Variants in MYO3A observed in about 807,000 individuals in gnomAD.
MYO3A encodes myosin-IIIa.
MYO3A carries 180 observed loss-of-function variants against 192.7 expected under a neutral mutation model. That is an observed-to-expected ratio of 0.93 (90% CI 0.83 to 1.06). The LOEUF (loss-of-function observed/expected upper bound fraction) is 1.06. Ranked by LOEUF, MYO3A falls within the 50% of genes least tolerant of loss-of-function variation. MYO3A has a pLI of 0.00. For missense variants in MYO3A, 1,896 were observed against 1,905.0 expected (o/e 1.00, Z 0.09); for synonymous variants, 628 against 645.3 (o/e 0.97, Z 0.41).
intron 5 of MYO3A, 68 bp from the exon 6 acceptor site, chr10:25,997,091 A>C: frequency 1.7e-6 from 2 of 1,188,430 alleles, no homozygotes; most frequent in Non-Finnish European, 2.5e-6. Context: ...TTGTACAGGT[A>C]CATCATCTGA....
chr10:26,197,754 C>A (rs1057293463), intron 32 of MYO3A, among the ~76,000 whole-genome samples: 1 of 152,158 alleles, frequency 6.6e-6, no homozygotes, highest in Non-Finnish European at 1.5e-5. Flanking sequence ...TTAGTAAAGC[C>A]GGGATTTCAC....
intron 14 of MYO3A, among the ~76,000 whole-genome samples, chr10:26,078,130 C>CTTTTTT (rs57336459): frequency 1.1e-4 from 13 of 122,310 alleles, no homozygotes; most frequent in African/African-American, 3.7e-4. Flanking sequence ...TGGTCCTGGA[C>CTTTTTT]TTTTTTTTTT....
intron 15 of MYO3A, among the ~76,000 whole-genome samples, chr10:26,088,730 T>G (rs1836497309): frequency 6.6e-6 from 1 of 152,246 alleles, no homozygotes; most frequent in African/African-American, 2.4e-5. Flanking sequence ...ATGTGAAATT[T>G]AATTAGAAGT....
intron 2 of MYO3A, among the ~76,000 whole-genome samples, chr10:25,944,564 T>C (rs1289400789): frequency 6.6e-6 from 1 of 152,068 alleles, no homozygotes; most frequent in African/African-American, 2.4e-5. Flanking sequence ...AAGTTTTTGA[T>C]TACTAATTCA....
chr10:26,040,072 C>T (rs149747177), intron 10 of MYO3A, among the ~76,000 whole-genome samples: 126 of 151,526 alleles, frequency 8.3e-4, no homozygotes, highest in African/African-American at 2.5e-3. Flanking sequence ...GTATGTTGTG[C>T]GAAAATTATA....
chr10:26,058,992 A>G (rs188862327), intron 10 of MYO3A, among the ~76,000 whole-genome samples: 81 of 148,040 alleles, frequency 5.5e-4, no homozygotes, highest in African/African-American at 1.9e-3. Flanking sequence ...TCACTTATTC[A>G]TTTCTGGTAT....
rs756281930 is a variant in MYO3A, at chr10:26,157,307, T to C, written c.2794-3T>C. 2.5e-6 allele frequency: 4 copies of C among 1,613,666 alleles called. No homozygotes were observed. Among genetic ancestry groups the C allele is most frequent in the Admixed American group, 3.3e-5 (2 of 60,010 alleles). On this transcript the variant is annotated splice_region_variant and splice_polypyrimidine_tract_variant and intron_variant, in intron 25 of 34. Transcript: ENST00000642920. ...GGAAATTTATTTTTGTTGTGTATTA[T>C]AGTATTCCCTGATGGATTTGTTGTC...
At chr10:26,070,454 A>T (rs1016377048) in intron 14 of MYO3A, 53 bp downstream of exon 14, 27 of 1,394,952 alleles carry the variant, frequency 1.9e-5, no homozygotes, top group Non-Finnish European at 2.7e-5. Context: ...GAATTTCATA[A>T]CTTAATATAA....
intron 31 of MYO3A, among the ~76,000 whole-genome samples, chr10:26,187,284 G>A (rs1842910928): frequency 6.6e-6 from 1 of 152,114 alleles, no homozygotes; most frequent in Non-Finnish European, 1.5e-5. Context: ...CAAGAATATG[G>A]GATTAGGTTC....
intron 10 of MYO3A, among the ~76,000 whole-genome samples, chr10:26,049,433 G>A (rs548569789): frequency 5.9e-5 from 9 of 152,168 alleles, no homozygotes; most frequent in African/African-American, 2.2e-4. Flanking sequence ...GGAAAGGATA[G>A]GGGATCAAAG....
At chr10:26,193,426 C>A (rs555121122) in intron 32 of MYO3A, 115 bp downstream of exon 32, 3 of 842,316 alleles carry the variant, frequency 3.6e-6, no homozygotes, top group Non-Finnish European at 5.9e-6. Context: ...GACAGAGATG[C>A]GCTTGGTCTC....
intron 14 of MYO3A, among the ~76,000 whole-genome samples, chr10:26,081,426 A>T (rs1376078013): frequency 6.6e-6 from 1 of 151,910 alleles, no homozygotes; most frequent in African/African-American, 2.4e-5. Context: ...CCCCGCAACA[A>T]CTCCGAGTCC....
chr10:25,945,044 G>A (rs1056665587), intron 2 of MYO3A, among the ~76,000 whole-genome samples: 2 of 151,710 alleles, frequency 1.3e-5, no homozygotes, highest in South Asian at 2.1e-4. Flanking sequence ...TTATCTCTTA[G>A]CAGTACTTTT....
intron 6 of MYO3A, among the ~76,000 whole-genome samples, chr10:26,001,922 G>C (rs559300130): frequency 6.6e-6 from 1 of 152,194 alleles, no homozygotes; most frequent in African/African-American, 2.4e-5. Flanking sequence ...AGGAGTTCGA[G>C]GCTGCAGTGA....
intron 10 of MYO3A, among the ~76,000 whole-genome samples, chr10:26,027,289 TAATC>T (rs1173194483): frequency 3.3e-5 from 5 of 152,160 alleles, no homozygotes; most frequent in Non-Finnish European, 7.4e-5. Flanking sequence ...AATGGAAAAA[TAATC>T]AAGTATAACA....
At position 26,098,239 on chromosome 10, in the gene MYO3A, G is replaced by A. The variant is rs549172997; in HGVS notation, c.1776+1557G>A. Among the ~76,000 whole-genome samples, 32 of 152,190 alleles carry A rather than the reference G, an allele frequency of 2.1e-4. 1 individual carries two copies. Among genetic ancestry groups the A allele is most frequent in the South Asian group, 8.3e-4 (4 of 4,818 alleles). On this transcript the variant is annotated intron_variant, in intron 17 of 34. Transcript: ENST00000642920. ...TGAGAAGTGTCTGTTCATATCCTTC[G>A]CCCACTTTTTGATGGGGTTGTTTGA...
intron 31 of MYO3A, among the ~76,000 whole-genome samples, chr10:26,189,560 A>T (rs1399147824): frequency 6.6e-6 from 1 of 152,216 alleles, no homozygotes; most frequent in Non-Finnish European, 1.5e-5. Flanking sequence ...AAGCAAAGTT[A>T]CACCTATAAA....
At position 26,168,733 on chromosome 10, in the gene MYO3A, G is replaced by A. The variant is rs35447806; in HGVS notation, c.3133G>A (p.Val1045Met). 1,680 of 1,612,890 alleles carry A rather than the reference G, an allele frequency of 1.0e-3. 32 individuals are homozygous for A. The South Asian group carries it at 0.017, about 16-fold the overall frequency. The change falls in exon 28 of 35, where the codon GTG (valine) becomes ATG (methionine). Residue 1045 changes from valine to methionine, a missense_variant. Transcript: ENST00000642920. ...TCAGGTGTTCCTTAAGTATTATCAC[G>A]TGGAGCAGTTAAATCTAATGCGAAA... ...KTKVFLKYYH[V>M]EQLNLMRKEA...
chr10:26,208,139 G>C (rs1589128759), intron 34 of MYO3A, among the ~76,000 whole-genome samples: 1 of 152,114 alleles, frequency 6.6e-6, no homozygotes, highest in East Asian at 1.9e-4. Flanking sequence ...AATGGCACTA[G>C]AGGAAAAGAG....
Sources: allele counts gnomAD v4.1 joint callset (sites outside exome capture counted in the v4.1 genomes callset), GRCh38; gene constraint gnomAD v4.1.1; transcripts MANE v1.5; gene names NCBI Gene and HGNC (gene_info 2026-07-23, HGNC 2026-07-21).